Variants in DLGAP2 observed in about 807,000 individuals in gnomAD.
DLGAP2 encodes disks large-associated protein 2.
In DLGAP2, 26 loss-of-function variants were observed where a neutral mutation model predicts 100.3. The ratio of observed to expected loss-of-function variants is 0.26; its 90% CI spans 0.19 to 0.36. DLGAP2 has a LOEUF of 0.36. Among genes scored for constraint, DLGAP2 ranks in the 10% least tolerant of loss-of-function variants. DLGAP2 has a pLI of 1.00. For synonymous variants in DLGAP2, 886 were observed against 630.1 expected, an observed-to-expected ratio of 1.41 and a Z score of -6.08; for missense variants, 1,858 against 1,453.2, an observed-to-expected ratio of 1.28 and a Z score of -4.53.
At chr8:1,691,402 A>G in intron 12 of DLGAP2, 133 bp from the exon 13 acceptor site, 2 of 707,148 alleles carry the variant, frequency 2.8e-6, no homozygotes, top group Non-Finnish European at 2.3e-6. Flanking sequence ...ACCAGCGAAC[A>G]CGCTCGGCAC....
chr8:1,361,913 G>A (rs1801990833), intron 3 of DLGAP2, among the ~76,000 whole-genome samples: 1 of 152,220 alleles, frequency 6.6e-6, no homozygotes, highest in Admixed American at 6.5e-5. Flanking sequence ...CACTAACTGT[G>A]CTGCCCCAGC....
At chr8:1,283,079 T>C (rs1799851130) in intron 3 of DLGAP2, among the ~76,000 whole-genome samples, 1 of 145,466 alleles carries the variant, frequency 6.9e-6, no homozygotes, top group Admixed American at 6.9e-5. Flanking sequence ...ACGTGAAGCA[T>C]CCAGACGTGG....
intron 2 of DLGAP2, among the ~76,000 whole-genome samples, chr8:1,060,093 G>C (rs540146896): frequency 2.8e-4 from 43 of 152,286 alleles, no homozygotes; most frequent in African/African-American, 1.0e-3. Flanking sequence ...GGTCAGATGC[G>C]AACTGTTCCC....
At chr8:997,513 C>A (rs1402787098) in intron 2 of DLGAP2, among the ~76,000 whole-genome samples, 1 of 152,126 alleles carries the variant, frequency 6.6e-6, no homozygotes, top group African/African-American at 2.4e-5. Context: ...ACCAAACACA[C>A]ACAGTATAAA....
chr8:823,349 C>T, intron 1 of DLGAP2, among the ~76,000 whole-genome samples: 1 of 151,728 alleles, frequency 6.6e-6, no homozygotes, highest in South Asian at 2.1e-4. Flanking sequence ...TTGATATCTG[C>T]TTTCCCCCTG....
Position 1,167,844 on chromosome 8 carries a change from G to C in DLGAP2, c.74-91007G>C, listed in dbSNP as rs200591626. Among the ~76,000 whole-genome samples the C allele has an allele frequency of 6.6e-5, 10 of 152,006 alleles. No individual in the cohort carries two copies. The East Asian group carries it at 9.7e-4, about 15-fold the overall frequency. On this transcript the variant is annotated intron_variant, in intron 2 of 14. Coordinates refer to ENST00000637795, the MANE Select transcript of DLGAP2 (RefSeq NM_001346810.2). ...GTCCTAAACCAACGTTCAGTAGAGG[G>C]ATGTAGACAGACACGTTAGCAAGTA...
chr8:923,114 A>T (rs1798747968), intron 2 of DLGAP2, among the ~76,000 whole-genome samples: 1 of 152,334 alleles, frequency 6.6e-6, no homozygotes, highest in East Asian at 1.9e-4. Flanking sequence ...TTACTACGGA[A>T]CAAGTTACTA....
intron 2 of DLGAP2, among the ~76,000 whole-genome samples, chr8:1,216,621 C>G (rs192126492): frequency 6.6e-6 from 1 of 152,118 alleles, no homozygotes; most frequent in Non-Finnish European, 1.5e-5. Flanking sequence ...CAGGCATGAG[C>G]TACCACATCC....
intron 8 of DLGAP2, among the ~76,000 whole-genome samples, chr8:1,656,817 G>C (rs1798295885): frequency 6.6e-6 from 1 of 152,254 alleles, no homozygotes; most frequent in Non-Finnish European, 1.5e-5. Context: ...ATTGGCCTCA[G>C]AGTACTCAAG....
chr8:1,037,769 C>G (rs962621214), intron 2 of DLGAP2, among the ~76,000 whole-genome samples: 2 of 152,176 alleles, frequency 1.3e-5, no homozygotes, highest in African/African-American at 4.8e-5. Flanking sequence ...TCCAAGCAGG[C>G]TGGTTCCCTC....
chr8:1,082,218 A>G (rs727571), intron 2 of DLGAP2, among the ~76,000 whole-genome samples: 59,922 of 152,022 alleles, frequency 0.39, 11,970 homozygotes, highest in East Asian at 0.49. Flanking sequence ...TGGCAGGTGG[A>G]AAACCATCCC....
At chr8:1,279,705 C>G (rs1256464999) in intron 3 of DLGAP2, among the ~76,000 whole-genome samples, 1 of 152,174 alleles carries the variant, frequency 6.6e-6, no homozygotes. Flanking sequence ...GCTCGCCCAG[C>G]CAGCTGGTAA....
chr8:1,331,554 C>T (rs1346835393), intron 3 of DLGAP2, among the ~76,000 whole-genome samples: 1 of 152,190 alleles, frequency 6.6e-6, no homozygotes, highest in Non-Finnish European at 1.5e-5. Flanking sequence ...CGTTTAGAGT[C>T]TTTGCTGTTC....
At chr8:1,245,008 G>C (rs1412281522) in intron 2 of DLGAP2, among the ~76,000 whole-genome samples, 1 of 152,206 alleles carries the variant, frequency 6.6e-6, no homozygotes, top group African/African-American at 2.4e-5. Flanking sequence ...GGACATCTTT[G>C]ACCAGCCAGG....
At chr8:1,217,621 C>T (rs547339011) in intron 2 of DLGAP2, among the ~76,000 whole-genome samples, 1 of 152,122 alleles carries the variant, frequency 6.6e-6, no homozygotes, top group Non-Finnish European at 1.5e-5. Flanking sequence ...CCTTTCACCT[C>T]CCTGGTTAGC....
chr8:1,246,227 AAG>A (rs1333066419), intron 2 of DLGAP2, among the ~76,000 whole-genome samples: 2 of 152,202 alleles, frequency 1.3e-5, no homozygotes, highest in Admixed American at 6.5e-5. Flanking sequence ...GTAATAAATT[AAG>A]GTGAGAACGC....
At chr8:1,390,156 G>C (rs1445125034) in intron 3 of DLGAP2, among the ~76,000 whole-genome samples, 1 of 148,594 alleles carries the variant, frequency 6.7e-6, no homozygotes, top group South Asian at 2.4e-4. Context: ...CTAAATCGAG[G>C]CACTCTCTGA....
In DLGAP2 at chr8:1,682,190, G is replaced by A. The variant is rs538830676; in HGVS notation, c.2704+3561G>A. Among the ~76,000 whole-genome samples the A allele has an allele frequency of 1.5e-3, 235 of 152,316 alleles. 1 individual carries two copies. In the Middle Eastern group the frequency reaches 0.034, roughly 22 times the overall value. On this transcript the variant is annotated intron_variant, in intron 12 of 14. Transcript: ENST00000637795. ...GACTGTGACCCACGTGTGGTCCACA[G>A]AGTCCCTCAGCTGCGAAGACAGAGG...
At chr8:984,061 G>A (rs377707026) in intron 2 of DLGAP2, among the ~76,000 whole-genome samples, 4 of 152,136 alleles carry the variant, frequency 2.6e-5, no homozygotes, top group South Asian at 2.1e-4. Context: ...CACTCCTCCC[G>A]GTGTCTCATG....
Sources: allele counts gnomAD v4.1 joint callset (sites outside exome capture counted in the v4.1 genomes callset), GRCh38; gene constraint gnomAD v4.1.1; transcripts MANE v1.5; gene names NCBI Gene and HGNC (gene_info 2026-07-23, HGNC 2026-07-21).